WIZ: variants seen among roughly 807,000 people sequenced by gnomAD.
The protein encoded by WIZ is protein Wiz.
In WIZ, 25 loss-of-function variants were observed where a neutral mutation model predicts 140.2. The ratio of observed to expected loss-of-function variants is 0.18; its 90% CI spans 0.13 to 0.25. The LOEUF is 0.25. WIZ is among the 10% of genes least tolerant of loss of function. WIZ has a pLI of 1.00. For missense variants in WIZ, 2,231 were observed against 2,632.6 expected, an observed-to-expected ratio of 0.85 and a Z score of 3.34; for synonymous variants, 1,125 against 1,154.3, an observed-to-expected ratio of 0.97 and a Z score of 0.51.
rs1181451216 is a variant in WIZ at position 15,424,943 on chromosome 19, C to T, written c.4984G>A (p.Gly1662Ser). The change falls in exon 11 of 13, where the codon GGC becomes AGC. Residue 1662 changes from glycine to serine, a missense_variant. Gly to Ser is a moderately conservative substitution (Grantham distance 56). Transcript: ENST00000673675. The surrounding 1 kb of genome is among the most constrained non-coding windows in gnomAD (Gnocchi z 9.7). ...SHARAHLRQFGVTEWCVNGSP... is the reference protein window; with the variant it reads ...SHARAHLRQFSVTEWCVNGSP... Reference sequence around the variant, plus strand: ...CCATTGACGCACCACTCGGTCACGCCGAACTGCCGCAGGTGTGCCCGTGCG... The same window carrying T: ...CCATTGACGCACCACTCGGTCACGCTGAACTGCCGCAGGTGTGCCCGTGCG... The T allele has an allele frequency of 6.2e-7, 1 of 1,609,498 alleles. No homozygotes were observed. The highest frequency in any genetic ancestry group is 8.5e-7 in the Non-Finnish European group (1 of 1,178,760).
intron 2 of WIZ, among the ~76,000 whole-genome samples, chr19:15,445,497 T>G (rs2145406310): frequency 6.6e-6 from 1 of 152,256 alleles, no homozygotes; most frequent in African/African-American, 2.4e-5. Flanking sequence ...GGATCAGGGC[T>G]GGTTCAGCGA....
rs750593734 is a variant in WIZ, at chr19:15,426,970, G to A, written c.4366+12C>T. ...AACTGTTCTCCCTGCCCTACTGCAGGGTCACACTTACACAGGTTCAGGGGT... is the reference window on the plus strand; with the variant it reads ...AACTGTTCTCCCTGCCCTACTGCAGAGTCACACTTACACAGGTTCAGGGGT... On this transcript the variant is annotated intron_variant, in intron 9 of 12. Transcript: ENST00000673675. 2 of 1,597,516 alleles carry A rather than the reference G, an allele frequency of 1.3e-6. No individual in the cohort carries two copies. The highest frequency in any genetic ancestry group is 3.4e-5 in the Admixed American group (2 of 59,100).
chr19:15,428,646 G>A lies in WIZ; in HGVS notation c.3416-138C>T. The A allele has an allele frequency of 9.5e-7, 1 of 1,056,446 alleles. No individual in the cohort carries two copies. Among genetic ancestry groups the A allele is most frequent in the Admixed American group, 2.4e-5 (1 of 42,172 alleles). The allele number at this position is 1,056,446 out of a possible 1,614,324, so 65.4% of individuals were successfully genotyped here. A position where few individuals can be genotyped will look rare whatever the true frequency, so the allele number is the denominator to read the frequency against. On this transcript the variant is annotated intron_variant, in intron 7 of 12. Transcript: ENST00000673675. The surrounding 1 kb of genome is among the most constrained non-coding windows in gnomAD (Gnocchi z 6.4). ...AAGACTCAGGCCGCAGATTTCTTTT[G>A]AAGTTTGGGAAGCAGGACATCCTGT...
rs1969625089 is a variant in WIZ at position 15,439,064 on chromosome 19, G to A, written c.1930C>T (p.Leu644=). The A allele has an allele frequency of 6.7e-7, 1 of 1,491,606 alleles. No homozygotes were observed. The allele number at this position is 1,491,606 out of a possible 1,614,324, so 92.4% of individuals were successfully genotyped here. The change falls in exon 4 of 13, where the codon CTA becomes TTA. Residue 644 remains leucine (L), a synonymous_variant. Coordinates refer to ENST00000673675, the MANE Select transcript of WIZ (RefSeq NM_001371589.1). The surrounding 1 kb of genome is among the most constrained non-coding windows in gnomAD (Gnocchi z 7.0). ...FSPENGVFSP[L]ATPSLIPQAA... ...TGCGGGATGAGGCTGGGGGTGGCTA[G>A]GGGTGAAAAGACCCCATTTTCAGGG...
chr19:15,441,261 C>T (rs1433393433), intron 3 of WIZ, among the ~76,000 whole-genome samples: 6 of 152,152 alleles, frequency 3.9e-5, no homozygotes, highest in African/African-American at 1.4e-4. Flanking sequence ...CCCTGCTAAG[C>T]CTTTGGCCCC....
At chr19:15,426,824 G>A (rs1968852631) in intron 9 of WIZ, among the ~76,000 whole-genome samples, 158 bp downstream of exon 9, 1 of 152,186 alleles carries the variant, frequency 6.6e-6, no homozygotes, top group African/African-American at 2.4e-5. Context: ...TCAGTTGCAG[G>A]GGTCTGCATA....
chr19:15,431,663 G>A (rs997719444), intron 5 of WIZ, among the ~76,000 whole-genome samples: 1 of 152,218 alleles, frequency 6.6e-6, no homozygotes, highest in African/African-American at 2.4e-5. Flanking sequence ...ATCTCCACCA[G>A]ACAAGACAGC....
chr19:15,448,221 G>T lies in WIZ; in HGVS notation c.87C>A (p.Asn29Lys). 6.2e-7 allele frequency: 1 copy of T among 1,613,398 alleles called. No homozygotes were observed. Among genetic ancestry groups the T allele is most frequent in the Non-Finnish European group, 8.5e-7 (1 of 1,179,654 alleles). ...ERLPGPAPRE[N>K]IEGGAEAAEG... ...CAGCAGCTTCGGCCCCACCCTCGAT[G>T]TTCTCCCTTGGCGCCGGGCCAGGCA... The change falls in exon 2 of 13, where the codon AAC becomes AAA. Residue 29 changes from asparagine to lysine, a missense_variant. By Grantham distance (94) the Asn-to-Lys change is moderately conservative (BLOSUM62 0). Transcript: ENST00000673675.
chr19:15,425,381 G>C lies in WIZ; in HGVS notation c.4754C>G (p.Thr1585Ser), dbSNP rs1156428477. 1 of 1,557,006 alleles carries C rather than the reference G, an allele frequency of 6.4e-7. No homozygotes were observed. The highest frequency in any genetic ancestry group is 8.7e-7 in the Non-Finnish European group (1 of 1,150,424). ...GGCTGCCACTGAGCCCAGGTAGCCA[G>C]TGGCTGAGGGCTTGGCCCCAGTGAT... ...TPITGAKPSA[T>S]GYLGSVAAKR... The change falls in exon 10 of 13, where the codon ACT (threonine) becomes AGT (serine). Residue 1585 changes from threonine (T) to serine (S), a missense_variant. By Grantham distance (58) the Thr-to-Ser change is moderately conservative (BLOSUM62 1). Coordinates refer to ENST00000673675, the MANE Select transcript of WIZ (RefSeq NM_001371589.1).
At chr19:15,432,258 G>C (rs1479442622) in intron 5 of WIZ, among the ~76,000 whole-genome samples, 1 of 151,776 alleles carries the variant, frequency 6.6e-6, no homozygotes, top group South Asian at 2.1e-4. Context: ...GCGGAGGAGT[G>C]TTTCTGAGGC....
chr19:15,447,969 C>T, intron 2 of WIZ, 134 bp downstream of exon 2: 1 of 1,048,498 alleles, frequency 9.5e-7, no homozygotes, highest in South Asian at 1.4e-5. Flanking sequence ...AAACAGAGTA[C>T]AAAGAAAAGG....
Position 15,429,407 on chromosome 19 carries a change from G to A in WIZ, c.3415+179C>T, listed in dbSNP as rs74869629. 8.8e-3 allele frequency among the ~76,000 whole-genome samples: 1,334 copies of A among 152,316 alleles called. 22 individuals carry two copies. The highest frequency in any genetic ancestry group is 0.03 in the African/African-American group (1,257 of 41,556). On this transcript the variant is annotated intron_variant, in intron 7 of 12. Coordinates refer to ENST00000673675, the MANE Select transcript of WIZ (RefSeq NM_001371589.1). ...GGGAGGCACGATCCACATCCAAGGC[G>A]GCCCAAAAGGAGATGCAGAGGCTTG...
chr19:15,428,585 G>A lies in WIZ; in HGVS notation c.3416-77C>T. On this transcript the variant is annotated intron_variant, in intron 7 of 12. Coordinates refer to ENST00000673675, the MANE Select transcript of WIZ (RefSeq NM_001371589.1). This position sits in a 1 kb window ranked among gnomAD's most constrained non-coding sequence, Gnocchi z 6.4. ...TGGGGGCCTGAGGTAGGAGGGTCTG[G>A]TGTGATTTTTGGCTGCTCAGGCAGT... 1.3e-6 allele frequency: 2 copies of A among 1,524,474 alleles called. No individual in the cohort carries two copies. Among genetic ancestry groups the A allele is most frequent in the South Asian group, 1.2e-5 (1 of 83,108 alleles). The allele number at this position is 1,524,474 out of a possible 1,614,324, so 94.4% of individuals were successfully genotyped here.
intron 2 of WIZ, among the ~76,000 whole-genome samples, chr19:15,443,212 C>T (rs1047107816): frequency 1.3e-5 from 2 of 152,248 alleles, no homozygotes; most frequent in Non-Finnish European, 2.9e-5. Flanking sequence ...GCTGGAATTA[C>T]AGGCGTGTGC....
rs1013418763 is a variant in WIZ, at chr19:15,420,307, T to C, written c.*2769A>G. 1.3e-5 allele frequency: 2 copies of C among 152,232 alleles called. No individual in the cohort carries two copies. Among genetic ancestry groups the C allele is most frequent in the East Asian group, 3.8e-4 (2 of 5,196 alleles). The allele number at this position is 152,232 out of a possible 1,614,324, so 9.4% of individuals were successfully genotyped here. Reference sequence around the variant, plus strand: ...TTTAATAAAACTCCCCCCACCCAAATGAGGCTTCTGCAGAACTTGCTGCCA... The same window carrying C: ...TTTAATAAAACTCCCCCCACCCAAACGAGGCTTCTGCAGAACTTGCTGCCA... On this transcript the variant is annotated 3_prime_UTR_variant, in exon 13 of 13. Transcript: ENST00000673675.
At chr19:15,438,013 G>A (rs544287487) in intron 4 of WIZ, among the ~76,000 whole-genome samples, 22 of 151,260 alleles carry the variant, frequency 1.5e-4, no homozygotes, top group African/African-American at 3.2e-4. Context: ...ACACACACAC[G>A]CACACACACA....
chr19:15,445,211 T>A (rs906387169), intron 2 of WIZ, among the ~76,000 whole-genome samples: 2 of 151,896 alleles, frequency 1.3e-5, no homozygotes, highest in African/African-American at 4.8e-5. Flanking sequence ...TGGCAAGGGG[T>A]GTCCATAAGC....
chr19:15,422,853 G>A lies in WIZ; in HGVS notation c.*223C>T, dbSNP rs1968453848. The A allele has an allele frequency of 4.8e-6, 3 of 626,242 alleles. No homozygotes were observed. In the South Asian group the frequency reaches 6.3e-5, roughly 13 times the overall value. 38.8% of individuals were successfully genotyped at this position (626,242 alleles called of 1,614,324 possible). ...CTGCTGGACCAGGTGGGCATGGGCT[G>A]AAGGAAGACACCCTGTGGCCCCAGA... On this transcript the variant is annotated 3_prime_UTR_variant, in exon 13 of 13. Coordinates refer to ENST00000673675, the MANE Select transcript of WIZ (RefSeq NM_001371589.1).
At chr19:15,435,242 A>C (rs78820130) in intron 5 of WIZ, among the ~76,000 whole-genome samples, 15 of 152,188 alleles carry the variant, frequency 9.9e-5, no homozygotes, top group South Asian at 2.1e-4. Context: ...ACAAAAAAAA[A>C]CAGAAACACA....
Sources: gnomAD v4.1 joint callset for allele counts (sites outside exome capture counted in the v4.1 genomes callset) on GRCh38, gnomAD v4.1.1 for gene constraint, Gnocchi (gnomAD v3.1) non-coding constraint, MANE v1.5 for transcripts, NCBI Gene and HGNC (gene_info 2026-07-23, HGNC 2026-07-21) for gene names.